CAMSAP1: variants seen among roughly 807,000 people sequenced by gnomAD.
CAMSAP1 encodes calmodulin regulated spectrin associated protein 1.
In CAMSAP1, 58 loss-of-function variants were observed where a neutral mutation model predicts 143.5. The ratio of observed to expected loss-of-function variants is 0.40; its 90% CI spans 0.33 to 0.50. The LOEUF (loss-of-function observed/expected upper bound fraction) is 0.50. Among genes scored for constraint, CAMSAP1 ranks in the 20% least tolerant of loss-of-function variants. The pLI is 0.45. For missense variants in CAMSAP1, 1,969 were observed against 2,115.7 expected (o/e 0.93, Z 1.36); for synonymous variants, 945 against 859.3 (o/e 1.10, Z -1.74).
intron 7 of CAMSAP1, among the ~76,000 whole-genome samples, chr9:135,831,962 C>G (rs189375314): frequency 2.0e-5 from 3 of 152,018 alleles, no homozygotes; most frequent in Non-Finnish European, 4.4e-5. Context: ...CACAAACCTC[C>G]CAACAAAGAA....
chr9:135,906,311 C>A (rs1205914622), intron 1 of CAMSAP1, among the ~76,000 whole-genome samples: 1 of 152,174 alleles, frequency 6.6e-6, no homozygotes, highest in African/African-American at 2.4e-5. Flanking sequence ...TTTAATTGTA[C>A]CTGAAACAAA....
rs751815171 is a variant in CAMSAP1, at chr9:135,821,224, G to A, written c.3437C>T (p.Thr1146Met). Residue 1146 changes from threonine to methionine, a missense_variant, in exon 11 of 17, where the codon ACG (threonine) becomes ATG (methionine). Coordinates refer to ENST00000389532, the MANE Select transcript of CAMSAP1 (RefSeq NM_015447.4). This position sits in a 1 kb window ranked among gnomAD's most constrained non-coding sequence, Gnocchi z 4.6. ...CAGGGCACTGTCCAGGCCAGGGTCC[G>A]TGGGCGTCCGAGGGTGGCTGCTGGC... is the stretch of plus-strand genomic sequence containing the variant. ...FPASSHPRTPTDPGLDSALEP... is the reference protein window; with the variant it reads ...FPASSHPRTPMDPGLDSALEP... The A allele has an allele frequency of 1.2e-5, 20 of 1,608,300 alleles. No individual in the cohort carries two copies. Among genetic ancestry groups the A allele is most frequent in the Admixed American group, 1.7e-5 (1 of 60,032 alleles).
chr9:135,841,446 G>A (rs1836348986), intron 7 of CAMSAP1, among the ~76,000 whole-genome samples: 1 of 152,306 alleles, frequency 6.6e-6, no homozygotes, highest in East Asian at 1.9e-4. Context: ...AAACATCACC[G>A]CCTGCTGGCT....
intron 5 of CAMSAP1, 99 bp from the exon 6 acceptor site, chr9:135,850,560 T>A: frequency 1.1e-6 from 1 of 893,494 alleles, no homozygotes; most frequent in Non-Finnish European, 1.6e-6. Flanking sequence ...ATAAAGGTAG[T>A]AATGAAGATA....
rs568014390 is a variant in CAMSAP1, at chr9:135,872,172, C to T, written c.586-5636G>A. Among the ~76,000 whole-genome samples the T allele has an allele frequency of 7.3e-5, 11 of 151,606 alleles. No homozygotes were observed. The South Asian group carries it at 2.3e-3, about 32-fold the overall frequency. ...TTGATGTATGCAAAGGAATTAAGAA[C>T]AACAAAAATGGAAATTATGTGGATA... On this transcript the variant is annotated intron_variant, in intron 3 of 16. Transcript: ENST00000389532.
chr9:135,862,361 C>T, intron 5 of CAMSAP1, 106 bp downstream of exon 5: 2 of 1,286,652 alleles, frequency 1.6e-6, no homozygotes, highest in Non-Finnish European at 2.1e-6. Flanking sequence ...TTAAGGATTC[C>T]ATTTTCTTTC....
At chr9:135,896,179 C>T (rs1205540371) in intron 1 of CAMSAP1, among the ~76,000 whole-genome samples, 1 of 152,040 alleles carries the variant, frequency 6.6e-6, no homozygotes, top group Non-Finnish European at 1.5e-5. Flanking sequence ...ACTTCAAATT[C>T]AACAACTTAA....
intron 14 of CAMSAP1, chr9:135,817,737 GT>G: frequency 8.2e-6 from 4 of 485,728 alleles, no homozygotes; most frequent in South Asian, 4.4e-5. Flanking sequence ...AGGTGTGCAC[GT>G]GTGGGGTGGG....
At chr9:135,855,344 T>C (rs1836919849) in intron 5 of CAMSAP1, among the ~76,000 whole-genome samples, 1 of 152,208 alleles carries the variant, frequency 6.6e-6, no homozygotes, top group African/African-American at 2.4e-5. Context: ...TCTGTTCCTC[T>C]GTTAGTTTGC....
rs988398139 is a variant in CAMSAP1, at chr9:135,821,873, G to C, written c.2788C>G (p.Leu930Val). ...TCCTTTGCAAAGTGCTCCGGCCTGA[G>C]GGGTGGGGCAGCCTCGGCCTTGCCC... ...KKGKAEAAPPLRPEHFAKEYS... is the reference protein window; with the variant it reads ...KKGKAEAAPPVRPEHFAKEYS... The change falls in exon 11 of 17, where the codon CTC becomes GTC. Residue 930 changes from leucine (L) to valine (V), a missense_variant. Transcript: ENST00000389532. This position sits in a 1 kb window ranked among gnomAD's most constrained non-coding sequence, Gnocchi z 4.6. The C allele has an allele frequency of 6.2e-7, 1 of 1,614,038 alleles. No individual in the cohort carries two copies. Among genetic ancestry groups the C allele is most frequent in the East Asian group, 2.2e-5 (1 of 44,880 alleles).
At position 135,874,490 on chromosome 9, in the gene CAMSAP1, G is replaced by GGC. The variant is rs1554797547; in HGVS notation, c.585+7142_585+7143insGC. On this transcript the variant is annotated intron_variant, in intron 3 of 16. Transcript: ENST00000389532. ...CCTGTCTCAAAAAAGGGGGGGGGGG[G>GGC]CCACAGGGGCCGGGAACTCCTAATA... Among the ~76,000 whole-genome samples the GGC allele has an allele frequency of 5.9e-5, 7 of 119,276 alleles. No homozygotes were observed. The South Asian group carries it at 1.5e-3, about 26-fold the overall frequency. 78.2% of individuals were successfully genotyped at this position (119,276 alleles called of 152,430 possible).
rs1220167824 is a variant in CAMSAP1, at chr9:135,907,294, C to G, written c.-135G>C. ...AGCCGGGAGGGGCGCCCGAGCGCGGCCCCCGCCTCACCTCACAGCCGCCGC... is the reference window on the plus strand; with the variant it reads ...AGCCGGGAGGGGCGCCCGAGCGCGGGCCCCGCCTCACCTCACAGCCGCCGC... On this transcript the variant is annotated 5_prime_UTR_variant, in exon 1 of 17. Coordinates refer to ENST00000389532, the MANE Select transcript of CAMSAP1 (RefSeq NM_015447.4). 7.4e-5 allele frequency: 32 copies of G among 431,100 alleles called. No individual in the cohort carries two copies. The highest frequency in any genetic ancestry group is 8.9e-5 in the Non-Finnish European group (29 of 325,334). 26.7% of individuals were successfully genotyped at this position (431,100 alleles called of 1,614,324 possible). A position where few individuals can be genotyped will look rare whatever the true frequency, so the allele number is the denominator to read the frequency against.
chr9:135,897,594 A>G (rs191883958), intron 1 of CAMSAP1, among the ~76,000 whole-genome samples: 104 of 152,322 alleles, frequency 6.8e-4, no homozygotes, highest in African/African-American at 2.4e-3. Flanking sequence ...ACCTTCTGAC[A>G]ATAGGTCAGA....
intron 1 of CAMSAP1, among the ~76,000 whole-genome samples, chr9:135,902,341 C>T (rs1838642261): frequency 6.6e-6 from 1 of 152,222 alleles, no homozygotes; most frequent in Admixed American, 6.5e-5. Flanking sequence ...AAGTGTGCTG[C>T]CATCAAGAGC....
chr9:135,843,588 C>G (rs372658377), intron 7 of CAMSAP1, among the ~76,000 whole-genome samples: 5 of 152,026 alleles, frequency 3.3e-5, no homozygotes, highest in African/African-American at 9.6e-5. Context: ...ATAAGAAGAG[C>G]TGGCAGGGCG....
chr9:135,824,794 A>T lies in CAMSAP1; in HGVS notation c.1310T>A (p.Ile437Asn). 2 of 1,581,918 alleles carry T rather than the reference A, an allele frequency of 1.3e-6. No homozygotes were observed. The highest frequency in any genetic ancestry group is 1.7e-6 in the Non-Finnish European group (2 of 1,164,758). The change falls in exon 9 of 17, where the codon ATC becomes AAC. Residue 437 changes from isoleucine to asparagine, a missense_variant. Around this residue, in one of 4 missense-constraint regions of CAMSAP1, gnomAD observed 1,390 missense variants for 1,420.8 expected, o/e 0.98. Transcript: ENST00000389532. This position sits in a 1 kb window ranked among gnomAD's most constrained non-coding sequence, Gnocchi z 4.1. ...KQQKSIQGED[I>N]PDQRHRSNSL... ...GGAGGAAACAACATTCTTACCAGGG[A>T]TGTCCTCTCCCTGTATGGATTTCTG...
At chr9:135,853,639 C>CT (rs1245137168) in intron 5 of CAMSAP1, among the ~76,000 whole-genome samples, 1 of 152,254 alleles carries the variant, frequency 6.6e-6, no homozygotes, top group Non-Finnish European at 1.5e-5. Flanking sequence ...GCTGCACTTA[C>CT]TCCCAAATGC....
intron 1 of CAMSAP1, among the ~76,000 whole-genome samples, chr9:135,895,377 C>G (rs533973360): frequency 1.3e-5 from 2 of 152,276 alleles, no homozygotes; most frequent in South Asian, 4.1e-4. Context: ...AACACCAGCT[C>G]CAAAGACTTC....
chr9:135,821,886 C>G lies in CAMSAP1; in HGVS notation c.2775G>C (p.Glu925Asp). 6.2e-7 allele frequency: 1 copy of G among 1,614,030 alleles called. No individual in the cohort carries two copies. Among genetic ancestry groups the G allele is most frequent in the South Asian group, 1.1e-5 (1 of 91,086 alleles). The change falls in exon 11 of 17, where the codon GAG (glutamate) becomes GAC (aspartate). Residue 925 changes from glutamate (E) to aspartate (D), a missense_variant. Coordinates refer to ENST00000389532, the MANE Select transcript of CAMSAP1 (RefSeq NM_015447.4). The surrounding 1 kb of genome is among the most constrained non-coding windows in gnomAD (Gnocchi z 4.6). ...FLHVVKKGKA[E>D]AAPPLRPEHF... ...GCTCCGGCCTGAGGGGTGGGGCAGC[C>G]TCGGCCTTGCCCTTCTTCACCACAT...
Sources: allele counts gnomAD v4.1 joint callset (sites outside exome capture counted in the v4.1 genomes callset), GRCh38; gene constraint gnomAD v4.1.1; regional missense constraint gnomAD v4.1.1; non-coding constraint Gnocchi (gnomAD v3.1); transcripts MANE v1.5; gene names NCBI Gene and HGNC (gene_info 2026-07-23, HGNC 2026-07-21).